AGPAT3: variants seen among roughly 807,000 people sequenced by gnomAD.
AGPAT3 encodes the protein 1-acylglycerol-3-phosphate O-acyltransferase 3, also known as 1-acyl-sn-glycerol-3-phosphate acyltransferase gamma.
Under a neutral mutation model 47.3 loss-of-function variants are expected in AGPAT3, and 5 were observed. That is an observed-to-expected ratio of 0.11 (90% confidence interval 0.06 to 0.22). The LOEUF (loss-of-function observed/expected upper bound fraction) is 0.22. Ranked by LOEUF, AGPAT3 falls within the 10% of genes least tolerant of loss-of-function variation. The pLI, the probability that AGPAT3 is intolerant of heterozygous loss-of-function variation, is 1.00. For missense variants in AGPAT3, 315 were observed against 493.0 expected (o/e 0.64, Z 3.42); for synonymous variants, 212 against 208.3 (o/e 1.02, Z -0.15).
rs916762184 is a variant in AGPAT3 at position 43,908,882 on chromosome 21, T to C, written c.-49+4863T>C. ...TTTGGATGAGGGTACAGGCTCAGGCTCAGCTCACACGGTCCCCGGATGCCC... is the reference window on the plus strand; with the variant it reads ...TTTGGATGAGGGTACAGGCTCAGGCCCAGCTCACACGGTCCCCGGATGCCC... On this transcript the variant is annotated intron_variant, in intron 2 of 9. Transcript: ENST00000291572. This position sits in a 1 kb window ranked among gnomAD's most constrained non-coding sequence, Gnocchi z 4.9. 6.6e-6 allele frequency among the ~76,000 whole-genome samples: 1 copy of C among 152,144 alleles called. No homozygotes were observed. The highest frequency in any genetic ancestry group is 2.1e-4 in the South Asian group (1 of 4,820).
rs139125094 is a variant in AGPAT3 at position 43,931,542 on chromosome 21, GTTC to G, written c.-49+27529_-49+27531del. 1.6e-3 allele frequency among the ~76,000 whole-genome samples: 250 copies of G among 152,292 alleles called. 1 individual carries two copies. Among genetic ancestry groups the G allele is most frequent in the Middle Eastern group, 6.8e-3 (2 of 294 alleles). Reference sequence around the variant, plus strand: ...TGGGCGATATGTTCAGATGAGCTTTGTTCTTCTTAACCTTGAAAAAGAGATGTG... The same window carrying G: ...TGGGCGATATGTTCAGATGAGCTTTGTTCTTAACCTTGAAAAAGAGATGTG... On this transcript the variant is annotated intron_variant, in intron 2 of 9. Transcript: ENST00000291572.
rs1276994093 is a variant in AGPAT3, at chr21:43,983,950, CG to C, written c.*1561del. On this transcript the variant is annotated 3_prime_UTR_variant, in exon 10 of 10. Coordinates refer to ENST00000291572, the MANE Select transcript of AGPAT3 (RefSeq NM_020132.5). ...GTAAACCGAGAACATAATTAGGCAT[CG>C]GGCCTAAGTGTCCTGGGGAGATTGG... The C allele has an allele frequency of 2.6e-5, 4 of 152,358 alleles. No homozygotes were observed. Among genetic ancestry groups the C allele is most frequent in the African/African-American group, 9.6e-5 (4 of 41,570 alleles). 9.4% of individuals were successfully genotyped at this position (152,358 alleles called of 1,614,324 possible).
chr21:43,912,313 G>A (rs116327722), intron 2 of AGPAT3, among the ~76,000 whole-genome samples: 3,180 of 152,320 alleles, frequency 0.021, 97 homozygotes, highest in African/African-American at 0.073. Context: ...TCCTTTTATC[G>A]TGGCCTTGTC....
At chr21:43,944,289 C>T (rs1318579444) in intron 2 of AGPAT3, among the ~76,000 whole-genome samples, 1 of 152,280 alleles carries the variant, frequency 6.6e-6, no homozygotes, top group East Asian at 1.9e-4. Context: ...CTGAGTGGTT[C>T]CCGGGCTGGC....
At chr21:43,943,541 A>G (rs1398928096) in intron 2 of AGPAT3, among the ~76,000 whole-genome samples, 3 of 152,158 alleles carry the variant, frequency 2.0e-5, no homozygotes, top group African/African-American at 7.2e-5. Context: ...AGAACCCTCA[A>G]GAGAAAGCCA....
chr21:43,985,156 C>T lies in AGPAT3; in HGVS notation c.*2764C>T, dbSNP rs751827974. The T allele has an allele frequency of 1.6e-4, 74 of 456,204 alleles. No homozygotes were observed. Among genetic ancestry groups the T allele is most frequent in the Non-Finnish European group, 3.0e-4 (68 of 226,972 alleles). The allele number at this position is 456,204 out of a possible 1,614,324, so 28.3% of individuals were successfully genotyped here. ...CGCCGCTGGCCTCCCAGCTTAGGCC[C>T]AGGTGCCAGGTGTCATGGGGTCTCC... On this transcript the variant is annotated 3_prime_UTR_variant, in exon 10 of 10. Coordinates refer to ENST00000291572, the MANE Select transcript of AGPAT3 (RefSeq NM_020132.5).
chr21:43,878,267 G>C (rs1215444206), intron 1 of AGPAT3, among the ~76,000 whole-genome samples: 1 of 152,222 alleles, frequency 6.6e-6, no homozygotes, highest in African/African-American at 2.4e-5. Context: ...CTTCGACCTG[G>C]ATGTCACTTT....
In AGPAT3 at chr21:43,934,892, A is replaced by C. The variant is rs533601006; in HGVS notation, c.-48-24742A>C. The stretch of plus-strand genomic sequence containing the variant: ...TTGACACGCCACCCACGCCACTCAC[A>C]TGCCACCCATGCCACCCACACCACC... On this transcript the variant is annotated intron_variant, in intron 2 of 9. Coordinates refer to ENST00000291572, the MANE Select transcript of AGPAT3 (RefSeq NM_020132.5). This position sits in a 1 kb window ranked among gnomAD's most constrained non-coding sequence, Gnocchi z 4.7. Among the ~76,000 whole-genome samples the C allele has an allele frequency of 6.8e-6, 1 of 147,666 alleles. No individual in the cohort carries two copies. Among genetic ancestry groups the C allele is most frequent in the African/African-American group, 2.5e-5 (1 of 39,464 alleles).
chr21:43,919,828 G>A (rs1311856647), intron 2 of AGPAT3: 2 of 152,198 alleles, frequency 1.3e-5, no homozygotes, highest in South Asian at 2.1e-4. Flanking sequence ...TTTGCATGTC[G>A]TCCTTCTGCA....
rs562641707 is a variant in AGPAT3 at position 43,877,733 on chromosome 21, T to C, written c.-112+12388T>C. On this transcript the variant is annotated intron_variant, in intron 1 of 9. Transcript: ENST00000291572. The stretch of plus-strand genomic sequence containing the variant: ...TGCTGGGATTACAGGCATGAGCCAC[T>C]GCGCCTGGCTGAAATGGTGCTATTC... Among the ~76,000 whole-genome samples, 329 of 152,222 alleles carry C rather than the reference T, an allele frequency of 2.2e-3. 1 individual carries two copies. Among genetic ancestry groups the C allele is most frequent in the Non-Finnish European group, 3.5e-3 (236 of 68,010 alleles).
chr21:43,872,977 G>C (rs1191360869), intron 1 of AGPAT3, among the ~76,000 whole-genome samples: 1 of 152,268 alleles, frequency 6.6e-6, no homozygotes, highest in Non-Finnish European at 1.5e-5. Context: ...AAACCACAGA[G>C]AGCTGCGGCC....
intron 1 of AGPAT3, among the ~76,000 whole-genome samples, chr21:43,902,861 A>G (rs926629730): frequency 8.5e-5 from 13 of 152,216 alleles, no homozygotes; most frequent in Admixed American, 2.0e-4. Context: ...TTATCTGGGC[A>G]TGGTGGCATG....
intron 2 of AGPAT3, among the ~76,000 whole-genome samples, chr21:43,945,421 T>G (rs1485235113): frequency 2.0e-5 from 3 of 152,244 alleles, no homozygotes; most frequent in Non-Finnish European, 4.4e-5. Flanking sequence ...TTTTATTGGT[T>G]TGAGTAATGG....
chr21:43,911,417 G>C (rs7278292), intron 2 of AGPAT3, among the ~76,000 whole-genome samples: 2,394 of 152,346 alleles, frequency 0.016, 58 homozygotes, highest in African/African-American at 0.054. Flanking sequence ...GGCTGGGCAG[G>C]GTCAGAAGCA....
At chr21:43,935,064 A>G (rs973533430) in intron 2 of AGPAT3, among the ~76,000 whole-genome samples, 4 of 152,188 alleles carry the variant, frequency 2.6e-5, no homozygotes, top group African/African-American at 7.2e-5. Context: ...CACATGCCAC[A>G]CACAGAACCA....
At chr21:43,917,191 G>T (rs530295055) in intron 2 of AGPAT3, among the ~76,000 whole-genome samples, 1 of 64,094 alleles carries the variant, frequency 1.6e-5, no homozygotes, top group South Asian at 6.1e-4. Context: ...CCCCACACAC[G>T]TACCGCTGTC....
At chr21:43,959,491 G>T in intron 2 of AGPAT3, 143 bp from the exon 3 acceptor site, 4 of 690,238 alleles carry the variant, frequency 5.8e-6, no homozygotes, top group Non-Finnish European at 9.9e-6. Context: ...TGTGTGGCAC[G>T]TGTGTGGGGT....
At chr21:43,937,694 A>G (rs749617725) in intron 2 of AGPAT3, among the ~76,000 whole-genome samples, 57 of 152,178 alleles carry the variant, frequency 3.7e-4, no homozygotes, top group Non-Finnish European at 6.6e-4. Flanking sequence ...AAGTGCTGGA[A>G]TTACAGGCGT....
rs62229689 is a variant in AGPAT3, at chr21:43,983,772, T to A, written c.*1380T>A. Reference sequence around the variant, plus strand: ...AGCCCACCTGCATTTGGCTTTCGACTTGCTTGTTCTAAGTCACAGCGCCCT... The same window carrying A: ...AGCCCACCTGCATTTGGCTTTCGACATGCTTGTTCTAAGTCACAGCGCCCT... On this transcript the variant is annotated 3_prime_UTR_variant, in exon 10 of 10. Coordinates refer to ENST00000291572, the MANE Select transcript of AGPAT3 (RefSeq NM_020132.5). 3 of 152,252 alleles carry A rather than the reference T, an allele frequency of 2.0e-5. No homozygotes were observed. The highest frequency in any genetic ancestry group is 2.9e-5 in the Non-Finnish European group (2 of 68,040). The allele number at this position is 152,252 out of a possible 1,614,324, so 9.4% of individuals were successfully genotyped here. A position where few individuals can be genotyped will look rare whatever the true frequency, so the allele number is the denominator to read the frequency against.
Sources: gnomAD v4.1 joint callset for allele counts (sites outside exome capture counted in the v4.1 genomes callset) on GRCh38, gnomAD v4.1.1 for gene constraint, Gnocchi (gnomAD v3.1) non-coding constraint, MANE v1.5 for transcripts, NCBI Gene and HGNC (gene_info 2026-07-23, HGNC 2026-07-21) for gene names.